Variants in TFEC observed in about 807,000 individuals in gnomAD.
TFEC encodes class E basic helix-loop-helix protein 34.
Under a neutral mutation model 41.6 loss-of-function variants are expected in TFEC, and 31 were observed. The observed-to-expected ratio is 0.74, with a 90% CI of 0.56 to 1.01. The LOEUF (loss-of-function observed/expected upper bound fraction) is 1.01, where lower values mean the gene tolerates loss of function less well. Among genes scored for constraint, TFEC ranks in the 50% least tolerant of loss-of-function variants. TFEC has a pLI of 0.00. For missense variants in TFEC, 402 were observed against 404.1 expected (o/e 0.99, Z 0.04); for synonymous variants, 143 against 140.6 (o/e 1.02, Z -0.12).
At chr7:116,053,059 G>A (rs1796350691) in intron 3 of TFEC, among the ~76,000 whole-genome samples, 1 of 151,852 alleles carries the variant, frequency 6.6e-6, no homozygotes, top group Non-Finnish European at 1.5e-5. Context: ...GCGACGGAGC[G>A]AGACTCCATT....
At chr7:116,159,854 A>C (rs941035671) in exon 1 of TFEC, 3 of 152,098 alleles carry the variant, frequency 2.0e-5, no homozygotes, top group Non-Finnish European at 4.4e-5. Flanking sequence ...TGTATGTACC[A>C]TAAGCATTAT....
chr7:116,157,251 T>G (rs1798888550), intron 1 of TFEC: 1 of 152,158 alleles, frequency 6.6e-6, no homozygotes, highest in Non-Finnish European at 1.5e-5. Flanking sequence ...GCCCCCTTTC[T>G]TTCCCGCTTT....
intron 1 of TFEC, among the ~76,000 whole-genome samples, chr7:115,991,119 C>A (rs1249626062): frequency 1.3e-5 from 2 of 152,140 alleles, no homozygotes; most frequent in Non-Finnish European, 2.9e-5. Context: ...AATTTCATAT[C>A]CAGCCAAACT....
At chr7:116,015,529 G>A (rs1465001666) in intron 1 of TFEC, among the ~76,000 whole-genome samples, 1 of 152,068 alleles carries the variant, frequency 6.6e-6, no homozygotes, top group African/African-American at 2.4e-5. Flanking sequence ...GGATAATAAT[G>A]TGATCAATTA....
chr7:116,058,539 C>T (rs911538690), intron 3 of TFEC, among the ~76,000 whole-genome samples: 2 of 151,518 alleles, frequency 1.3e-5, no homozygotes, highest in East Asian at 1.9e-4. Flanking sequence ...TTATCAACAA[C>T]CTGACCTAAT....
chr7:115,984,140 G>A (rs112680385), intron 2 of TFEC, 122 bp downstream of exon 2: 1 of 1,217,524 alleles, frequency 8.2e-7, no homozygotes, highest in Admixed American at 2.4e-5. Context: ...TTAATTAAAA[G>A]CACATTTCTT....
At chr7:116,156,221 G>A (rs909610848) in intron 1 of TFEC, among the ~76,000 whole-genome samples, 16 of 151,946 alleles carry the variant, frequency 1.1e-4, no homozygotes, top group African/African-American at 3.9e-4. Flanking sequence ...AGGGAGAGAG[G>A]GATTTCATTC....
intron 1 of TFEC, among the ~76,000 whole-genome samples, chr7:116,128,369 T>TG (rs1798258132): frequency 6.6e-6 from 1 of 152,164 alleles, no homozygotes. Context: ...CTAGCTAAGC[T>TG]GACACTCCAC....
intron 3 of TFEC, among the ~76,000 whole-genome samples, chr7:116,092,612 ACC>A (rs895799727): frequency 2.0e-5 from 3 of 152,194 alleles, no homozygotes; most frequent in African/African-American, 7.2e-5. Context: ...TACTGAACAT[ACC>A]CTTCTTTTGA....
chr7:115,974,116 T>A (rs1562903237), intron 3 of TFEC, 54 bp downstream of exon 3: 1 of 1,393,762 alleles, frequency 7.2e-7, no homozygotes, highest in African/African-American at 1.5e-5. Context: ...ATTTTTATTA[T>A]CAGAGTGTAT....
At chr7:116,110,749 T>G in exon 3 of TFEC, 1 of 1,533,636 alleles carries the variant, frequency 6.5e-7, no homozygotes. Context: ...ATTTGTGGTC[T>G]TGCTGGGACA....
intron 3 of TFEC, among the ~76,000 whole-genome samples, chr7:116,067,480 C>T (rs1305942878): frequency 6.6e-6 from 1 of 151,818 alleles, no homozygotes; most frequent in African/African-American, 2.4e-5. Context: ...ATCAATCAAC[C>T]GAGTATTTTG....
chr7:116,082,446 C>T (rs1237327658), intron 3 of TFEC, among the ~76,000 whole-genome samples: 1 of 151,826 alleles, frequency 6.6e-6, no homozygotes, highest in African/African-American at 2.4e-5. Flanking sequence ...ACTATTTTGC[C>T]AATATTGTGT....
chr7:115,948,450 T>A (rs201934665), intron 6 of TFEC, among the ~76,000 whole-genome samples: 1 of 152,132 alleles, frequency 6.6e-6, no homozygotes, highest in Non-Finnish European at 1.5e-5. Context: ...AAATCCTCAA[T>A]AAAATACTGG....
At chr7:116,108,359 C>T (rs1797767765) in intron 3 of TFEC, among the ~76,000 whole-genome samples, 1 of 152,108 alleles carries the variant, frequency 6.6e-6, no homozygotes, top group Non-Finnish European at 1.5e-5. Flanking sequence ...ATTCAAATGT[C>T]TCCACAGTAA....
chr7:116,048,690 A>C (rs1351268143), intron 3 of TFEC, among the ~76,000 whole-genome samples: 2 of 152,224 alleles, frequency 1.3e-5, no homozygotes, highest in African/African-American at 4.8e-5. Context: ...CAGATTCATC[A>C]AAGTTGAAAT....
chr7:116,130,963 T>C (rs1214600453), intron 1 of TFEC, among the ~76,000 whole-genome samples: 1 of 152,198 alleles, frequency 6.6e-6, no homozygotes, highest in East Asian at 1.9e-4. Context: ...AGAATCTTTC[T>C]AGTTAAAATT....
intron 3 of TFEC, among the ~76,000 whole-genome samples, chr7:116,089,467 G>A (rs1038764669): frequency 9.9e-5 from 15 of 152,060 alleles, no homozygotes; most frequent in African/African-American, 1.7e-4. Context: ...TGTATTGGCC[G>A]GAACAAGAGG....
At chr7:116,068,553 T>C (rs1796749668) in intron 3 of TFEC, among the ~76,000 whole-genome samples, 1 of 151,708 alleles carries the variant, frequency 6.6e-6, no homozygotes, top group South Asian at 2.1e-4. Context: ...ACTACAGTCA[T>C]ATTTTTTCAA....
Sources: gnomAD v4.1 joint callset for allele counts (sites outside exome capture counted in the v4.1 genomes callset) on GRCh38, gnomAD v4.1.1 for gene constraint, MANE v1.5 for transcripts, NCBI Gene and HGNC (gene_info 2026-07-23, HGNC 2026-07-21) for gene names.